The following SYNPR variants were observed in gnomAD, a reference collection of about 807,000 sequenced individuals.
SYNPR encodes the protein synaptoporin.
In SYNPR, 23 loss-of-function variants were observed where a neutral mutation model predicts 32.9. The observed-to-expected ratio is 0.70, with a 90% CI of 0.50 to 0.99. SYNPR has a LOEUF of 0.99. Ranked by LOEUF, SYNPR falls within the 50% of genes least tolerant of loss-of-function variation. The pLI is 0.00. For missense variants in SYNPR, 318 were observed against 349.3 expected, an observed-to-expected ratio of 0.91 and a Z score of 0.71; for synonymous variants, 146 against 135.9, an observed-to-expected ratio of 1.07 and a Z score of -0.52.
intron 3 of SYNPR, among the ~76,000 whole-genome samples, chr3:63,485,758 C>A (rs1004336201): frequency 1.3e-5 from 2 of 152,030 alleles, no homozygotes; most frequent in African/African-American, 4.8e-5. Context: ...AAATTTACGA[C>A]CTTGGTTGAA....
chr3:63,504,081 G>A (rs2106741545), intron 3 of SYNPR, among the ~76,000 whole-genome samples: 1 of 152,108 alleles, frequency 6.6e-6, no homozygotes, highest in South Asian at 2.1e-4. Flanking sequence ...ATATATAACA[G>A]GATAACCTTT....
chr3:63,342,245 C>T (rs2087379926), intron 2 of SYNPR, among the ~76,000 whole-genome samples: 9 of 152,196 alleles, frequency 5.9e-5, no homozygotes, highest in Admixed American at 5.9e-4. Flanking sequence ...CCATGCTACA[C>T]TGCCTTGATT....
chr3:63,419,201 T>C (rs2088577227), intron 2 of SYNPR, among the ~76,000 whole-genome samples: 1 of 152,260 alleles, frequency 6.6e-6, no homozygotes, highest in South Asian at 2.1e-4. Flanking sequence ...CCCCTGGATG[T>C]GGACTCAGCC....
intron 3 of SYNPR, among the ~76,000 whole-genome samples, chr3:63,524,851 GCA>G (rs10559149): frequency 0.35 from 52,010 of 147,418 alleles, 9,078 homozygotes; most frequent in Admixed American, 0.43. Flanking sequence ...GTGTGTGTGT[GCA>G]TGTGTGTGTG....
At chr3:63,523,139 C>T (rs1559525580) in intron 3 of SYNPR, among the ~76,000 whole-genome samples, 3 of 152,118 alleles carry the variant, frequency 2.0e-5, no homozygotes, top group Admixed American at 6.5e-5. Flanking sequence ...CCCCTGCACA[C>T]GTGACGGTGG....
At chr3:63,606,962 T>G (rs1220483077) in intron 4 of SYNPR, among the ~76,000 whole-genome samples, 4 of 152,180 alleles carry the variant, frequency 2.6e-5, no homozygotes, top group African/African-American at 9.6e-5. Context: ...ACTTGACACA[T>G]CATAAGCACT....
intron 3 of SYNPR, among the ~76,000 whole-genome samples, chr3:63,511,930 T>C (rs1314135264): frequency 6.6e-6 from 1 of 152,150 alleles, no homozygotes; most frequent in African/African-American, 2.4e-5. Flanking sequence ...AGAATACAGA[T>C]GTATTTACTC....
intron 4 of SYNPR, chr3:63,561,419 G>C (rs1702687213): frequency 6.6e-6 from 1 of 152,130 alleles, no homozygotes; most frequent in Non-Finnish European, 1.5e-5. Context: ...TCAGAGTGTG[G>C]GTTGAAATCC....
At chr3:63,443,390 A>C in intron 2 of SYNPR, 1 of 1,583,986 alleles carries the variant, frequency 6.3e-7, no homozygotes, top group Non-Finnish European at 8.6e-7. Flanking sequence ...TTTTAGTATG[A>C]GACAACCTCT....
chr3:63,272,054 T>A (rs1025033341), intron 3 of SYNPR, among the ~76,000 whole-genome samples: 2 of 152,188 alleles, frequency 1.3e-5, no homozygotes, highest in African/African-American at 4.8e-5. Flanking sequence ...TAAAAGTATA[T>A]GTTGTCAGTA....
At chr3:63,606,278 A>AT (rs1325045686) in intron 4 of SYNPR, among the ~76,000 whole-genome samples, 2 of 152,142 alleles carry the variant, frequency 1.3e-5, no homozygotes, top group African/African-American at 2.4e-5. Context: ...GCACTAAGGG[A>AT]TAAAAGGTTG....
At chr3:63,560,335 C>T (rs1185987110) in intron 4 of SYNPR, among the ~76,000 whole-genome samples, 3 of 152,110 alleles carry the variant, frequency 2.0e-5, no homozygotes, top group East Asian at 1.9e-4. Context: ...CAAACCACAT[C>T]GATTCAAATC....
In SYNPR at chr3:63,502,430, T is replaced by G. The variant is rs187347862; in HGVS notation, c.209+21474T>G. On this transcript the variant is annotated intron_variant, in intron 3 of 5. Transcript: ENST00000478300. ...CAAAGTCCACAGTTTACCTCAGGGT[T>G]CACTCTTGTTGTTGTATGTTCTACG... Among the ~76,000 whole-genome samples the G allele has an allele frequency of 1.9e-4, 29 of 152,250 alleles. No homozygotes were observed. In the East Asian group the frequency reaches 5.0e-3, roughly 26 times the overall value.
chr3:63,525,341 C>A (rs566634668), intron 3 of SYNPR, among the ~76,000 whole-genome samples: 2 of 152,250 alleles, frequency 1.3e-5, no homozygotes, highest in East Asian at 3.9e-4. Flanking sequence ...CCACAGATAC[C>A]CAGAACTTAC....
intron 4 of SYNPR, among the ~76,000 whole-genome samples, chr3:63,605,577 T>C (rs577930540): frequency 1.6e-4 from 25 of 152,280 alleles, no homozygotes; most frequent in African/African-American, 5.1e-4. Flanking sequence ...ATGAACATCA[T>C]AGGCAAAAAT....
intron 4 of SYNPR, among the ~76,000 whole-genome samples, chr3:63,561,006 A>T (rs952532506): frequency 1.3e-5 from 2 of 152,228 alleles, no homozygotes; most frequent in African/African-American, 2.4e-5. Flanking sequence ...TTTAAAAAAA[A>T]TTTATGTAAT....
chr3:63,393,218 CTAAGA>C (rs1273672917), intron 2 of SYNPR, among the ~76,000 whole-genome samples: 1 of 152,104 alleles, frequency 6.6e-6, no homozygotes, highest in African/African-American at 2.4e-5. Context: ...TGATGAATAT[CTAAGA>C]TATTTTACTT....
chr3:63,210,869 A>G, the SYNPR span, among the ~76,000 whole-genome samples: 1 of 151,406 alleles, frequency 6.6e-6, no homozygotes, highest in East Asian at 1.9e-4. Flanking sequence ...AAACTACTAA[A>G]CTAATTGTAT....
chr3:63,465,083 G>C (rs1575658410), intron 2 of SYNPR, among the ~76,000 whole-genome samples: 2 of 152,198 alleles, frequency 1.3e-5, no homozygotes, highest in East Asian at 3.9e-4. Context: ...TTGCCTCTTA[G>C]ATTTAATCAA....
Sources: allele counts gnomAD v4.1 joint callset (sites outside exome capture counted in the v4.1 genomes callset), GRCh38; gene constraint gnomAD v4.1.1; transcripts MANE v1.5; gene names NCBI Gene and HGNC (gene_info 2026-07-23, HGNC 2026-07-21).